Variants in LRCH3 observed in about 807,000 individuals in gnomAD.
LRCH3 encodes the protein leucine rich repeats and calponin homology domain containing 3, also known as DISP complex protein LRCH3.
In LRCH3, 68 loss-of-function variants were observed where a neutral mutation model predicts 104.5. The ratio of observed to expected loss-of-function variants is 0.65; its 90% CI spans 0.54 to 0.80. The LOEUF (loss-of-function observed/expected upper bound fraction) is 0.80, where lower values mean the gene tolerates loss of function less well. LRCH3 is among the 30% of genes least tolerant of loss of function. The probability of loss-of-function intolerance (pLI) is 0.00; values close to 1 mark genes in which losing one functional copy is unlikely to be tolerated. For synonymous variants in LRCH3, 344 were observed against 361.3 expected, an observed-to-expected ratio of 0.95 and a Z score of 0.54; for missense variants, 951 against 953.9, an observed-to-expected ratio of 1.00 and a Z score of 0.04.
At chr3:197,839,957 G>A (rs1317249479) in intron 10 of LRCH3, among the ~76,000 whole-genome samples, 6 of 149,642 alleles carry the variant, frequency 4.0e-5, no homozygotes, top group Non-Finnish European at 7.4e-5. Context: ...GGGCAACAGA[G>A]TGAGACCCTG....
At chr3:197,865,005 A>G (rs977086356) in intron 15 of LRCH3, among the ~76,000 whole-genome samples, 8 of 152,082 alleles carry the variant, frequency 5.3e-5, no homozygotes, top group African/African-American at 1.9e-4. Flanking sequence ...GTCTCAAAAA[A>G]AGAGAGAGAG....
At chr3:197,834,346 AT>A (rs1736395626) in intron 8 of LRCH3, among the ~76,000 whole-genome samples, 1 of 152,228 alleles carries the variant, frequency 6.6e-6, no homozygotes, top group Non-Finnish European at 1.5e-5. Flanking sequence ...AACTCCTCAA[AT>A]GAATCCCTTC....
chr3:197,870,246 G>A lies in LRCH3; in HGVS notation c.1960G>A (p.Glu654Lys). 1.2e-6 allele frequency: 2 copies of A among 1,613,472 alleles called. No homozygotes were observed. Among genetic ancestry groups the A allele is most frequent in the Non-Finnish European group, 1.7e-6 (2 of 1,179,388 alleles). Reference protein sequence around the residue: ...ITGQNSRQREEELELIDQLRK... With the variant: ...ITGQNSRQREKELELIDQLRK... ...AGGACAGAATTCAAGACAGAGAGAAGAAGAGCTGGAATTAATAGACCAACT... is the reference window on the plus strand; with the variant it reads ...AGGACAGAATTCAAGACAGAGAGAAAAAGAGCTGGAATTAATAGACCAACT... Residue 654 changes from glutamate to lysine, a missense_variant, in exon 18 of 21, where the codon GAA becomes AAA. Coordinates refer to ENST00000425562, the MANE Select transcript of LRCH3 (RefSeq NM_001365715.1).
rs753446436 is a variant in LRCH3, at chr3:197,848,001, G to A, written c.1510G>A (p.Ala504Thr). ...AAGGACCAAGCAGATCCAGAGAGAT[G>A]CTGTCCTGGACTTTGTCAAAGTGAG... is the stretch of plus-strand genomic sequence containing the variant. ...KIRTKQIQRD[A>T]VLDFVKQKAS... Residue 504 changes from alanine (A) to threonine (T), a missense_variant, in exon 12 of 21, where the codon GCT (alanine) becomes ACT (threonine). Transcript: ENST00000425562. 3 of 1,614,122 alleles carry A rather than the reference G, an allele frequency of 1.9e-6. No individual in the cohort carries two copies. Among genetic ancestry groups the A allele is most frequent in the East Asian group, 2.2e-5 (1 of 44,880 alleles).
rs113640860 is a variant in LRCH3 at position 197,838,180 on chromosome 3, G to A, written c.1252-1141G>A. On this transcript the variant is annotated intron_variant, in intron 9 of 20. Coordinates refer to ENST00000425562, the MANE Select transcript of LRCH3 (RefSeq NM_001365715.1). ...CCTTCCTGTAGTCTCAGCCACTCGG[G>A]AGGCTGAAGTAGGAAGACTGCTTGA... 7.6e-3 allele frequency among the ~76,000 whole-genome samples: 1,156 copies of A among 152,348 alleles called. 17 individuals carry two copies. The highest frequency in any genetic ancestry group is 0.027 in the African/African-American group (1,102 of 41,576).
intron 1 of LRCH3, among the ~76,000 whole-genome samples, chr3:197,794,724 G>T (rs895353258): frequency 1.3e-5 from 2 of 152,136 alleles, no homozygotes; most frequent in Non-Finnish European, 2.9e-5. Context: ...GGTTAATCTG[G>T]CTGGGCCTGG....
intron 4 of LRCH3, among the ~76,000 whole-genome samples, chr3:197,825,674 T>C (rs1214402253): frequency 6.6e-6 from 1 of 151,464 alleles, no homozygotes; most frequent in African/African-American, 2.4e-5. Flanking sequence ...AGAGACGGGG[T>C]CTCACCGTGT....
At chr3:197,862,758 CTTAT>C (rs1462631851) in intron 15 of LRCH3, among the ~76,000 whole-genome samples, 1 of 152,122 alleles carries the variant, frequency 6.6e-6, no homozygotes, top group East Asian at 1.9e-4. Context: ...AATTAAATTT[CTTAT>C]TTAAATTTCC....
Position 197,847,476 on chromosome 3 carries a change from T to A in LRCH3, c.1380+16T>A, listed in dbSNP as rs1738903335. On this transcript the variant is annotated intron_variant, in intron 11 of 20. Transcript: ENST00000425562. ...TCACAATCAGGTAATGTTTAGTAGT[T>A]GTGTTTATTTTTGCTTTTTAAACTA... 1 of 1,577,188 alleles carries A rather than the reference T, an allele frequency of 6.3e-7. No individual in the cohort carries two copies. Among genetic ancestry groups the A allele is most frequent in the African/African-American group, 1.4e-5 (1 of 72,584 alleles).
chr3:197,863,003 A>G (rs557586349), intron 15 of LRCH3, among the ~76,000 whole-genome samples: 1 of 151,130 alleles, frequency 6.6e-6, no homozygotes, highest in South Asian at 2.1e-4. Context: ...TTATTTATTT[A>G]TTTATTTTTA....
intron 1 of LRCH3, 125 bp downstream of exon 1, chr3:197,791,665 T>C (rs2109071881): frequency 8.9e-7 from 1 of 1,120,942 alleles, no homozygotes; most frequent in Non-Finnish European, 1.2e-6. Context: ...CGGACCCGGG[T>C]AACGGGGAGA....
rs1012214287 is a variant in LRCH3, at chr3:197,884,969, C to T, written c.*1303C>T. Reference sequence around the variant, plus strand: ...TAGAGTTGTATTTAAGGTCAGTATTCTAGGCCTCCCTTCAACTGCAGTCAT... The same window carrying T: ...TAGAGTTGTATTTAAGGTCAGTATTTTAGGCCTCCCTTCAACTGCAGTCAT... On this transcript the variant is annotated 3_prime_UTR_variant, in exon 21 of 21. Transcript: ENST00000425562. 5 of 152,212 alleles carry T rather than the reference C, an allele frequency of 3.3e-5. No individual in the cohort carries two copies. Among genetic ancestry groups the T allele is most frequent in the African/African-American group, 9.7e-5 (4 of 41,438 alleles). The allele number at this position is 152,212 out of a possible 1,614,324, so 9.4% of individuals were successfully genotyped here.
Position 197,832,152 on chromosome 3 carries a change from A to C in LRCH3, c.982-45A>C, listed in dbSNP as rs532634560. 4 of 1,578,114 alleles carry C rather than the reference A, an allele frequency of 2.5e-6. No individual in the cohort carries two copies. The South Asian group carries it at 4.5e-5, about 18-fold the overall frequency. ...GCATGGATTACAGGCATGATCTGCC[A>C]GGCTCTAAAATGATTGTTTTTAATG... On this transcript the variant is annotated intron_variant, in intron 7 of 20. Transcript: ENST00000425562.
At chr3:197,880,976 T>C (rs1274298314) in intron 20 of LRCH3, 27 of 1,336,222 alleles carry the variant, frequency 2.0e-5, no homozygotes, top group East Asian at 3.1e-5. Flanking sequence ...TGTGGCCTTG[T>C]TTCTCTTACC....
intron 4 of LRCH3, chr3:197,823,592 C>G (rs969160913): frequency 6.6e-6 from 1 of 152,202 alleles, no homozygotes; most frequent in Non-Finnish European, 1.5e-5. Flanking sequence ...GGGCTGAAGC[C>G]ATCCTCCCAT....
In LRCH3 at chr3:197,847,778, C is replaced by T. The variant is rs1180258666; in HGVS notation, c.1381-94C>T. On this transcript the variant is annotated intron_variant, in intron 11 of 20. Transcript: ENST00000425562. ...CTAGGTGACTTCAAAGCAAAAGTTG[C>T]ATGGGTCAACAGTAGTTCCCTAAAT... 4.4e-6 allele frequency: 5 copies of T among 1,148,100 alleles called. No individual in the cohort carries two copies. In the African/African-American group the frequency reaches 8.3e-5, roughly 19 times the overall value. 71.1% of individuals were successfully genotyped at this position (1,148,100 alleles called of 1,614,324 possible).
intron 4 of LRCH3, chr3:197,823,003 T>A (rs1387812868): frequency 2.7e-5 from 4 of 150,780 alleles, no homozygotes; most frequent in Non-Finnish European, 5.9e-5. Flanking sequence ...TCTTTTTTTT[T>A]TTTTGAGACG....
chr3:197,862,530 T>TC (rs1560590770), intron 15 of LRCH3, among the ~76,000 whole-genome samples: 2 of 152,220 alleles, frequency 1.3e-5, no homozygotes, highest in African/African-American at 4.8e-5. Flanking sequence ...TTTTTAAATT[T>TC]TTGAAAATAT....
At position 197,883,152 on chromosome 3, in the gene LRCH3, CA is replaced by C; in HGVS notation, c.2209-388del. 1.0e-6 allele frequency: 1 copy of C among 988,962 alleles called. No individual in the cohort carries two copies. Among genetic ancestry groups the C allele is most frequent in the Non-Finnish European group, 1.2e-6 (1 of 832,426 alleles). The allele number at this position is 988,962 out of a possible 1,614,324, so 61.3% of individuals were successfully genotyped here. On this transcript the variant is annotated intron_variant, in intron 20 of 20. Coordinates refer to ENST00000425562, the MANE Select transcript of LRCH3 (RefSeq NM_001365715.1). The surrounding 1 kb of genome is among the most constrained non-coding windows in gnomAD (Gnocchi z 4.2). Reference sequence around the variant, plus strand: ...AGTGTAGTATCTTTTACTCTTGAGCCATCTGGTAGCGTGGAATTGTTTTTCT... The same window carrying C: ...AGTGTAGTATCTTTTACTCTTGAGCCTCTGGTAGCGTGGAATTGTTTTTCT...
Sources: allele counts gnomAD v4.1 joint callset (sites outside exome capture counted in the v4.1 genomes callset), GRCh38; gene constraint gnomAD v4.1.1; non-coding constraint Gnocchi (gnomAD v3.1); transcripts MANE v1.5; gene names NCBI Gene and HGNC (gene_info 2026-07-23, HGNC 2026-07-21).